WWOX: variants seen among roughly 807,000 people sequenced by gnomAD.
WWOX encodes WW domain-containing oxidoreductase.
Under a neutral mutation model 46.2 loss-of-function variants are expected in WWOX, and 69 were observed. The ratio of observed to expected loss-of-function variants is 1.49; its 90% confidence interval spans 1.23 to 1.82. WWOX has a LOEUF of 1.82. Among genes scored for constraint, WWOX ranks in the 40% most tolerant of loss-of-function variants. WWOX has a pLI of 0.00. For synonymous variants in WWOX, 359 were observed against 202.6 expected, an observed-to-expected ratio of 1.77 and a Z score of -6.56; for missense variants, 919 against 542.6, an observed-to-expected ratio of 1.69 and a Z score of -6.89.
intron 5 of WWOX, among the ~76,000 whole-genome samples, chr16:78,360,584 T>TAAAA (rs1597097783): frequency 4.7e-5 from 1 of 21,174 alleles, no homozygotes; most frequent in African/African-American, 3.6e-4. Context: ...AGACTCTGTC[T>TAAAA]CAAAAAAAAA....
intron 5 of WWOX, chr16:78,278,653 C>G (rs770004613): frequency 1.9e-6 from 3 of 1,610,114 alleles, no homozygotes; most frequent in South Asian, 1.1e-5. Context: ...AAATTTTCCA[C>G]TAGCAAAAGA....
chr16:78,943,038 C>T (rs1421601590), intron 8 of WWOX, among the ~76,000 whole-genome samples: 2 of 152,138 alleles, frequency 1.3e-5, no homozygotes, highest in East Asian at 1.9e-4. Flanking sequence ...CTTATCTCTC[C>T]TGCTTCTGCT....
chr16:79,201,177 C>A (rs2150829849), intron 8 of WWOX, among the ~76,000 whole-genome samples: 1 of 152,200 alleles, frequency 6.6e-6, no homozygotes, highest in Middle Eastern at 3.4e-3. Flanking sequence ...ATTTTCCTAC[C>A]ATCCCATATT....
chr16:78,105,228 G>T (rs555577548), intron 1 of WWOX, among the ~76,000 whole-genome samples: 1 of 152,170 alleles, frequency 6.6e-6, no homozygotes, highest in South Asian at 2.1e-4. Context: ...TTGGGAGGCC[G>T]AGGCAGGTGG....
intron 8 of WWOX, among the ~76,000 whole-genome samples, chr16:78,606,652 C>T (rs952367171): frequency 6.7e-6 from 1 of 149,858 alleles, no homozygotes; most frequent in East Asian, 1.9e-4. Context: ...AATATGTGAA[C>T]ACATCCAGAC....
chr16:78,414,577 C>G (rs550534809), intron 6 of WWOX, among the ~76,000 whole-genome samples: 6 of 152,228 alleles, frequency 3.9e-5, no homozygotes, highest in Admixed American at 1.3e-4. Context: ...AACAAACAAA[C>G]AAACAAAAAG....
chr16:79,052,830 C>G (rs1185264399), intron 8 of WWOX, among the ~76,000 whole-genome samples: 1 of 152,114 alleles, frequency 6.6e-6, no homozygotes, highest in Non-Finnish European at 1.5e-5. Context: ...CACTGAGGAG[C>G]AAGCATTTCT....
At chr16:78,362,615 A>G (rs2081435375) in intron 5 of WWOX, among the ~76,000 whole-genome samples, 1 of 151,814 alleles carries the variant, frequency 6.6e-6, no homozygotes, top group Non-Finnish European at 1.5e-5. Flanking sequence ...TCTACCCCCC[A>G]CCCTGCAAAA....
At position 79,123,232 on chromosome 16, in the gene WWOX, A is replaced by G. The variant is rs187944322; in HGVS notation, c.1057-88376A>G. Among the ~76,000 whole-genome samples the G allele has an allele frequency of 7.9e-4, 120 of 152,228 alleles. 1 individual carries two copies. The highest frequency in any genetic ancestry group is 2.5e-3 in the African/African-American group (105 of 41,556). Reference sequence around the variant, plus strand: ...ACCACATGAATAAAGCATGATGGCAATTGCCTGACTCTGTCCTCGGTGGGG... The same window carrying G: ...ACCACATGAATAAAGCATGATGGCAGTTGCCTGACTCTGTCCTCGGTGGGG... On this transcript the variant is annotated intron_variant, in intron 8 of 8. Transcript: ENST00000566780.
At chr16:78,157,650 C>T (rs1472955609) in intron 4 of WWOX, among the ~76,000 whole-genome samples, 1 of 152,146 alleles carries the variant, frequency 6.6e-6, no homozygotes, top group Admixed American at 6.5e-5. Flanking sequence ...TTGGCAAAAT[C>T]TCAAGAAATA....
At chr16:79,105,572 A>C (rs903663159) in intron 8 of WWOX, among the ~76,000 whole-genome samples, 2 of 152,310 alleles carry the variant, frequency 1.3e-5, no homozygotes, top group Non-Finnish European at 2.9e-5. Flanking sequence ...TTTTGCTTTT[A>C]TAAAAAAAGT....
At chr16:78,840,074 A>G (rs531357334) in intron 8 of WWOX, among the ~76,000 whole-genome samples, 1 of 152,368 alleles carries the variant, frequency 6.6e-6, no homozygotes, top group South Asian at 2.1e-4. Context: ...GAGTTAGCAC[A>G]TGAGAACATG....
intron 8 of WWOX, among the ~76,000 whole-genome samples, chr16:78,764,248 G>A (rs1001897049): frequency 2.0e-5 from 3 of 151,786 alleles, no homozygotes; most frequent in Non-Finnish European, 2.9e-5. Flanking sequence ...AAACGGCTCC[G>A]CCTTCCTGCC....
intron 5 of WWOX, among the ~76,000 whole-genome samples, chr16:78,253,591 C>T (rs116449665): frequency 6.6e-6 from 1 of 152,246 alleles, no homozygotes; most frequent in African/African-American, 2.4e-5. Context: ...CCATGAATGC[C>T]ATGATTTCAC....
intron 8 of WWOX, among the ~76,000 whole-genome samples, chr16:78,516,966 G>T (rs533156026): frequency 6.6e-6 from 1 of 152,086 alleles, no homozygotes; most frequent in East Asian, 1.9e-4. Flanking sequence ...TCTGTTTCCC[G>T]AGAAATCATT....
intron 8 of WWOX, among the ~76,000 whole-genome samples, chr16:78,934,748 G>C (rs2045700425): frequency 6.6e-6 from 1 of 152,070 alleles, no homozygotes; most frequent in Non-Finnish European, 1.5e-5. Context: ...ACAATGACAT[G>C]ATAAAAAATG....
intron 5 of WWOX, among the ~76,000 whole-genome samples, chr16:78,184,917 A>T (rs146004339): frequency 6.6e-6 from 1 of 152,314 alleles, no homozygotes; most frequent in African/African-American, 2.4e-5. Context: ...ACAAAGGTTT[A>T]TTTCTTGCTC....
In WWOX at chr16:78,268,098, C is replaced by T. The variant is rs931099949; in HGVS notation, c.516+103809C>T. Among the ~76,000 whole-genome samples, 11 of 152,314 alleles carry T rather than the reference C, an allele frequency of 7.2e-5. 1 individual carries two copies. Among genetic ancestry groups the T allele is most frequent in the Admixed American group, 1.3e-4 (2 of 15,302 alleles). ...CATCCCAAAGTGCTAGGATTACAGG[C>T]GTGAGCCGCCGTGTCTGGCTTGCTC... On this transcript the variant is annotated intron_variant, in intron 5 of 8. Coordinates refer to ENST00000566780, the MANE Select transcript of WWOX (RefSeq NM_016373.4).
intron 8 of WWOX, among the ~76,000 whole-genome samples, chr16:78,745,287 G>A (rs558342034): frequency 7.2e-5 from 11 of 152,136 alleles, no homozygotes; most frequent in Non-Finnish European, 1.3e-4. Flanking sequence ...TGGCTGAGCT[G>A]GGCATCTTCC....
Sources: gnomAD v4.1 joint callset for allele counts (sites outside exome capture counted in the v4.1 genomes callset) on GRCh38, gnomAD v4.1.1 for gene constraint, MANE v1.5 for transcripts, NCBI Gene and HGNC (gene_info 2026-07-23, HGNC 2026-07-21) for gene names.